The following NLGN1 variants were observed in gnomAD, a reference collection of about 807,000 sequenced individuals.
NLGN1 encodes neuroligin-1.
In NLGN1, 12 loss-of-function variants were observed where a neutral mutation model predicts 65.5. The ratio of observed to expected loss-of-function variants is 0.18; its 90% CI spans 0.12 to 0.30. NLGN1 has a LOEUF of 0.30. Among genes scored for constraint, NLGN1 ranks in the 10% least tolerant of loss-of-function variants. The probability of loss-of-function intolerance (pLI) is 1.00; values close to 1 mark genes in which losing one functional copy is unlikely to be tolerated. For missense variants in NLGN1, 750 were observed against 1,007.1 expected (o/e 0.74, Z 3.46); for synonymous variants, 350 against 359.5 (o/e 0.97, Z 0.30).
intron 3 of NLGN1, among the ~76,000 whole-genome samples, chr3:173,736,135 T>A (rs920500344): frequency 2.0e-5 from 3 of 152,032 alleles, no homozygotes; most frequent in African/African-American, 7.2e-5. Flanking sequence ...ATTGTGAGAA[T>A]AGAGTAAAAA....
intron 4 of NLGN1, among the ~76,000 whole-genome samples, chr3:174,049,165 G>A (rs1560920994): frequency 6.6e-6 from 1 of 152,086 alleles, no homozygotes; most frequent in Non-Finnish European, 1.5e-5. Flanking sequence ...CTTAGACATA[G>A]GAAAGTTTGG....
exon 7 of NLGN1, chr3:174,281,519 A>AATG (rs1237165513): frequency 6.7e-6 from 3 of 445,196 alleles, no homozygotes; most frequent in Non-Finnish European, 1.2e-5. Flanking sequence ...AATTGTTCTG[A>AATG]ATGATACTTT....
chr3:174,280,804 C>T lies in NLGN1; in HGVS notation c.1973C>T (p.Pro658Leu), dbSNP rs751461992. 5.0e-6 allele frequency: 8 copies of T among 1,613,256 alleles called. No individual in the cohort carries two copies. The African/African-American group carries it at 1.1e-4, about 22-fold the overall frequency. ...TTTCCCACTGCCAAGCAGGATGATC[C>T]CAAACAACAACCAAGTCCATTTTCA... Residue 658 changes from proline to leucine, a missense_variant, in exon 7 of 7, where the codon CCC becomes CTC. Coordinates refer to ENST00000457714, the Ensembl canonical transcript of NLGN1. The surrounding 1 kb of genome is among the most constrained non-coding windows in gnomAD (Gnocchi z 4.9).
chr3:173,750,722 T>C (rs1776199807), intron 3 of NLGN1, among the ~76,000 whole-genome samples: 2 of 152,086 alleles, frequency 1.3e-5, no homozygotes, highest in African/African-American at 2.4e-5. Context: ...GAAAGGCAGA[T>C]AAATCAACTT....
chr3:173,643,370 G>A (rs754516015), intron 3 of NLGN1, among the ~76,000 whole-genome samples: 29 of 152,088 alleles, frequency 1.9e-4, no homozygotes, highest in Non-Finnish European at 4.1e-4. Flanking sequence ...ATGACAACAT[G>A]CACATCATAA....
rs151122240 is a variant in NLGN1, at chr3:173,738,914, A to G, written c.494-68766A>G. ...AAACTATAATTTGAGGTAGCTTAAG[A>G]TAAGTGACATAAAAGATGTACAGTG... On this transcript the variant is annotated intron_variant, in intron 3 of 6. Coordinates refer to ENST00000457714, the Ensembl canonical transcript of NLGN1. Among the ~76,000 whole-genome samples the G allele has an allele frequency of 1.5e-4, 23 of 152,210 alleles. No individual in the cohort carries two copies. The East Asian group carries it at 4.3e-3, about 28-fold the overall frequency.
intron 4 of NLGN1, among the ~76,000 whole-genome samples, chr3:173,953,257 G>C (rs1323842945): frequency 6.6e-6 from 1 of 152,020 alleles, no homozygotes; most frequent in African/African-American, 2.4e-5. Flanking sequence ...TATTATATTA[G>C]GTTCTCTTAT....
At chr3:173,829,187 A>C (rs2150579977) in intron 4 of NLGN1, among the ~76,000 whole-genome samples, 1 of 152,262 alleles carries the variant, frequency 6.6e-6, no homozygotes, top group East Asian at 1.9e-4. Flanking sequence ...GGGAGCTTTC[A>C]TATTCTGAGC....
chr3:173,415,943 A>AGAGC lies in NLGN1; in HGVS notation c.-390+17457_-390+17458insAGCG, dbSNP rs141095727. On this transcript the variant is annotated intron_variant, in intron 1 of 6. Coordinates refer to ENST00000457714, the Ensembl canonical transcript of NLGN1. ...GGGAGAGAGAGAGAGAGAGAGAGAG[A>AGAGC]GCTTGGTATAGAGCCTAACACACAA... is the stretch of plus-strand genomic sequence containing the variant. 2.7e-3 allele frequency among the ~76,000 whole-genome samples: 388 copies of AGAGC among 142,802 alleles called. 3 individuals carry two copies. The highest frequency in any genetic ancestry group is 0.01 in the African/African-American group (359 of 35,778). The allele number at this position is 142,802 out of a possible 152,430, so 93.7% of individuals were successfully genotyped here. A position where few individuals can be genotyped will look rare whatever the true frequency, so the allele number is the denominator to read the frequency against.
chr3:174,107,224 CT>C (rs1714137363), intron 4 of NLGN1, among the ~76,000 whole-genome samples: 1 of 152,078 alleles, frequency 6.6e-6, no homozygotes, highest in Admixed American at 6.6e-5. Context: ...GTAAAGAACA[CT>C]ACCATCATCA....
At chr3:174,087,173 A>C (rs1743583061) in intron 4 of NLGN1, among the ~76,000 whole-genome samples, 1 of 152,178 alleles carries the variant, frequency 6.6e-6, no homozygotes, top group Non-Finnish European at 1.5e-5. Flanking sequence ...ATTGGGTACT[A>C]GGCGTCGTAC....
intron 4 of NLGN1, among the ~76,000 whole-genome samples, chr3:174,019,687 T>C (rs1727341828): frequency 6.6e-6 from 1 of 152,164 alleles, no homozygotes; most frequent in South Asian, 2.1e-4. Flanking sequence ...TTTTTTCTTC[T>C]CATTCATTTG....
intron 4 of NLGN1, among the ~76,000 whole-genome samples, chr3:173,885,634 TAA>T (rs1395725603): frequency 6.6e-6 from 1 of 152,122 alleles, no homozygotes; most frequent in Admixed American, 6.6e-5. Flanking sequence ...GGCTAAGGGA[TAA>T]GTGTCCAAAG....
intron 4 of NLGN1, among the ~76,000 whole-genome samples, chr3:173,924,714 G>A (rs1742704898): frequency 6.6e-6 from 1 of 151,964 alleles, no homozygotes; most frequent in African/African-American, 2.4e-5. Flanking sequence ...TTTACTGTAT[G>A]TTGGGAATTA....
chr3:173,849,880 C>T (rs943354452), intron 4 of NLGN1, among the ~76,000 whole-genome samples: 2 of 152,028 alleles, frequency 1.3e-5, no homozygotes, highest in African/African-American at 2.4e-5. Flanking sequence ...AAGTGTGATT[C>T]ATAGTTCATT....
intron 3 of NLGN1, among the ~76,000 whole-genome samples, chr3:173,620,322 G>A (rs560907268): frequency 2.0e-5 from 3 of 152,150 alleles, no homozygotes; most frequent in African/African-American, 7.2e-5. Flanking sequence ...TGGAGTAATT[G>A]GTTGTTATGG....
At chr3:174,214,568 A>G (rs999529873) in intron 4 of NLGN1, among the ~76,000 whole-genome samples, 1 of 152,178 alleles carries the variant, frequency 6.6e-6, no homozygotes. Flanking sequence ...GTTATCCATG[A>G]TGGTAGGTAC....
intron 3 of NLGN1, among the ~76,000 whole-genome samples, chr3:173,696,461 A>G (rs1447643823): frequency 1.3e-5 from 2 of 152,166 alleles, no homozygotes; most frequent in African/African-American, 2.4e-5. Context: ...AAAAGGGACT[A>G]TGAGTGGCCC....
At chr3:173,932,101 T>G (rs562716934) in intron 4 of NLGN1, among the ~76,000 whole-genome samples, 1 of 152,306 alleles carries the variant, frequency 6.6e-6, no homozygotes, top group African/African-American at 2.4e-5. Flanking sequence ...AGAGTTATTT[T>G]ATTTGTTCTG....
Sources: gnomAD v4.1 joint callset for allele counts (sites outside exome capture counted in the v4.1 genomes callset) on GRCh38, gnomAD v4.1.1 for gene constraint, Gnocchi (gnomAD v3.1) non-coding constraint, MANE v1.5 for transcripts, NCBI Gene and HGNC (gene_info 2026-07-23, HGNC 2026-07-21) for gene names.